Variants in RANBP2 observed in about 807,000 individuals in gnomAD.
RANBP2 encodes RAN binding protein 2, also known as E3 SUMO-protein ligase RanBP2.
A neutral mutation model predicts 303.6 loss-of-function variants in RANBP2; 57 were observed. That is an observed-to-expected ratio of 0.19 (90% CI 0.15 to 0.23). The LOEUF is 0.23. Ranked by LOEUF, RANBP2 falls within the 10% of genes least tolerant of loss-of-function variation. The pLI, the probability that RANBP2 is intolerant of heterozygous loss-of-function variation, is 1.00. For missense variants in RANBP2, 3,138 were observed against 3,780.8 expected (o/e 0.83, Z 4.46); for synonymous variants, 1,167 against 1,301.5 (o/e 0.90, Z 2.23).
At chr2:109,526,719 T>G in the RANBP2 span, among the ~76,000 whole-genome samples, 1 of 152,164 alleles carries the variant, frequency 6.6e-6, no homozygotes, top group African/African-American at 2.4e-5. Flanking sequence ...GGCTCACCGA[T>G]GACAGCTGCA....
the RANBP2 span, among the ~76,000 whole-genome samples, chr2:109,044,540 A>G: frequency 1.3e-5 from 2 of 152,106 alleles, no homozygotes; most frequent in African/African-American, 4.8e-5. Context: ...AAATAAATAA[A>G]TAAATAAAAA....
At chr2:109,367,557 C>T in the RANBP2 span, among the ~76,000 whole-genome samples, 6 of 152,208 alleles carry the variant, frequency 3.9e-5, no homozygotes, top group South Asian at 1.2e-3. Flanking sequence ...GCTGGGATTA[C>T]AGGCATGAGC....
At chr2:109,708,501 T>TA in the RANBP2 span, among the ~76,000 whole-genome samples, 1 of 151,644 alleles carries the variant, frequency 6.6e-6, no homozygotes, top group Non-Finnish European at 1.5e-5. Flanking sequence ...CTACAAAAAG[T>TA]AAAAAAATTA....
chr2:109,245,211 C>G, the RANBP2 span, among the ~76,000 whole-genome samples: 1 of 152,118 alleles, frequency 6.6e-6, no homozygotes, highest in Non-Finnish European at 1.5e-5. Flanking sequence ...TGTATAGCTC[C>G]TGTCTCTCTA....
At chr2:108,837,710 A>T in the RANBP2 span, among the ~76,000 whole-genome samples, 1 of 152,108 alleles carries the variant, frequency 6.6e-6, no homozygotes, top group Non-Finnish European at 1.5e-5. Flanking sequence ...ATAAACAACC[A>T]TGTTACTGGT....
chr2:109,303,817 T>A, the RANBP2 span, among the ~76,000 whole-genome samples: 7 of 152,334 alleles, frequency 4.6e-5, no homozygotes, highest in East Asian at 9.6e-4. Context: ...ATCACCACCA[T>A]CAAGACCGTG....
the RANBP2 span, chr2:108,929,335 G>C: frequency 6.8e-6 from 11 of 1,614,168 alleles, no homozygotes; most frequent in Non-Finnish European, 8.5e-6. Flanking sequence ...CCGCCGGGCA[G>C]GGGACGCAGC....
the RANBP2 span, among the ~76,000 whole-genome samples, chr2:109,248,230 TCTTA>T: frequency 3.3e-5 from 5 of 152,342 alleles, no homozygotes; most frequent in Admixed American, 2.0e-4. Flanking sequence ...GAATAGGAGT[TCTTA>T]CTTTTAATAA....
chr2:108,721,983 C>T (rs1024328580), intron 1 of RANBP2, among the ~76,000 whole-genome samples: 3 of 151,830 alleles, frequency 2.0e-5, no homozygotes, highest in African/African-American at 7.3e-5. Context: ...AGTGATCCTC[C>T]CGCCTTGGCC....
chr2:109,070,919 C>G, the RANBP2 span, among the ~76,000 whole-genome samples: 1 of 151,930 alleles, frequency 6.6e-6, no homozygotes, highest in East Asian at 1.9e-4. Context: ...CTCCCTCTCT[C>G]GCCATGTGGG....
At chr2:109,022,303 CAT>C in the RANBP2 span, among the ~76,000 whole-genome samples, 2 of 152,200 alleles carry the variant, frequency 1.3e-5, no homozygotes, top group African/African-American at 4.8e-5. Flanking sequence ...CCCACTCACT[CAT>C]GTGCCGCTGC....
At chr2:109,024,401 C>CT in the RANBP2 span, among the ~76,000 whole-genome samples, 1 of 152,220 alleles carries the variant, frequency 6.6e-6, no homozygotes, top group South Asian at 2.1e-4. Flanking sequence ...CTCTTTGAAT[C>CT]TTTTCACGGC....
At chr2:109,046,872 A>G in the RANBP2 span, among the ~76,000 whole-genome samples, 2 of 151,094 alleles carry the variant, frequency 1.3e-5, no homozygotes, top group Non-Finnish European at 3.0e-5. Context: ...TGGAGAGGGG[A>G]GCAGGAAAAG....
chr2:109,032,002 G>A, the RANBP2 span, among the ~76,000 whole-genome samples: 1 of 150,226 alleles, frequency 6.7e-6, no homozygotes, highest in African/African-American at 2.5e-5. Flanking sequence ...CGCGTTTCAG[G>A]AGCTGTAAGT....
At chr2:109,117,506 G>A in the RANBP2 span, among the ~76,000 whole-genome samples, 1 of 152,198 alleles carries the variant, frequency 6.6e-6, no homozygotes, top group Non-Finnish European at 1.5e-5. Flanking sequence ...TATTAGGGTG[G>A]GAGTGACCCA....
the RANBP2 span, chr2:109,732,993 G>A: frequency 2.2e-5 from 13 of 588,656 alleles, no homozygotes; most frequent in Non-Finnish European, 4.0e-5. Flanking sequence ...TGGGGTCATC[G>A]TCCTTGAGAT....
chr2:108,877,755 A>G, the RANBP2 span, among the ~76,000 whole-genome samples: 4 of 152,194 alleles, frequency 2.6e-5, no homozygotes, highest in Admixed American at 2.6e-4. Context: ...GGCCAAAGAA[A>G]GAACTGCATG....
the RANBP2 span, among the ~76,000 whole-genome samples, chr2:109,693,070 C>G: frequency 6.6e-6 from 1 of 152,266 alleles, no homozygotes; most frequent in Admixed American, 6.5e-5. Flanking sequence ...ACTGCTAGAG[C>G]AGACTCTTTA....
chr2:109,006,463 G>A, the RANBP2 span, among the ~76,000 whole-genome samples: 1 of 152,034 alleles, frequency 6.6e-6, no homozygotes, highest in South Asian at 2.1e-4. Flanking sequence ...CAAAGTGCTG[G>A]GATTACAGGC....
Sources: allele counts gnomAD v4.1 joint callset (sites outside exome capture counted in the v4.1 genomes callset), GRCh38; gene constraint gnomAD v4.1.1; transcripts MANE v1.5; gene names NCBI Gene and HGNC (gene_info 2026-07-23, HGNC 2026-07-21).